Variants in LRBA observed in about 807,000 individuals in gnomAD.
The protein encoded by LRBA is lipopolysaccharide-responsive and beige-like anchor protein.
Under a neutral mutation model 330.0 loss-of-function variants are expected in LRBA, and 176 were observed. The ratio of observed to expected loss-of-function variants is 0.53; its 90% CI spans 0.47 to 0.60. The LOEUF is 0.60. LRBA is among the 20% of genes least tolerant of loss of function. The pLI is 0.00. For synonymous variants in LRBA, 1,230 were observed against 1,193.0 expected (o/e 1.03, Z -0.64); for missense variants, 3,259 against 3,444.8 (o/e 0.95, Z 1.35).
intron 40 of LRBA, among the ~76,000 whole-genome samples, chr4:150,508,750 A>G (rs1219081335): frequency 6.6e-6 from 1 of 152,230 alleles, no homozygotes; most frequent in Non-Finnish European, 1.5e-5. Context: ...CTGAAAGAAG[A>G]AACACATGAA....
chr4:150,706,530 A>G (rs1785636922), intron 36 of LRBA, among the ~76,000 whole-genome samples: 1 of 151,526 alleles, frequency 6.6e-6, no homozygotes, highest in Non-Finnish European at 1.5e-5. Context: ...TTTATAATCT[A>G]TGTGTTTCTA....
chr4:150,733,440 TGTC>T (rs141933794), intron 36 of LRBA, among the ~76,000 whole-genome samples: 3,916 of 152,120 alleles, frequency 0.026, 142 homozygotes, highest in African/African-American at 0.085. Flanking sequence ...AGAGAATAAA[TGTC>T]GTAAAAATTT....
chr4:150,913,231 G>A (rs1422907346), intron 9 of LRBA, among the ~76,000 whole-genome samples: 1 of 152,226 alleles, frequency 6.6e-6, no homozygotes, highest in Non-Finnish European at 1.5e-5. Flanking sequence ...ACTTTGGGAA[G>A]CCGAGGCGGG....
rs1020661381 is a variant in LRBA, at chr4:150,395,606, A to G, written c.7194+19832T>C. On this transcript the variant is annotated intron_variant, in intron 47 of 56. Transcript: ENST00000651943. ...AATTATATCATTCCCATGTCTTTTT[A>G]GCAGTTCCTGGCTGTCTGTAAGAGA... 4.6e-5 allele frequency among the ~76,000 whole-genome samples: 7 copies of G among 152,236 alleles called. No individual in the cohort carries two copies. The East Asian group carries it at 1.2e-3, about 25-fold the overall frequency.
At chr4:150,906,239 G>T in intron 12 of LRBA, 58 bp downstream of exon 12, 1 of 1,113,312 alleles carries the variant, frequency 9.0e-7, no homozygotes, top group South Asian at 1.4e-5. Context: ...GCCACTTAGA[G>T]AACAAATGTA....
At position 150,315,643 on chromosome 4, in the gene LRBA, A is replaced by G; in HGVS notation, c.7631-20T>C. 6.5e-7 allele frequency: 1 copy of G among 1,531,998 alleles called. No homozygotes were observed. The highest frequency in any genetic ancestry group is 8.8e-7 in the Non-Finnish European group (1 of 1,134,520). The allele number at this position is 1,531,998 out of a possible 1,614,324, so 94.9% of individuals were successfully genotyped here. On this transcript the variant is annotated intron_variant, in intron 50 of 56. Transcript: ENST00000651943. ...GATGAGCTGGAATTCACAAAAGATA[A>G]AGAAAAAAGGCATTATTTTTTATAT... is the stretch of plus-strand genomic sequence containing the variant.
chr4:150,680,865 C>A (rs1782994951), intron 37 of LRBA, among the ~76,000 whole-genome samples: 1 of 152,112 alleles, frequency 6.6e-6, no homozygotes. Context: ...TTGCAGCCCA[C>A]TGATCGTGTG....
chr4:150,955,752 T>C (rs1014587256), intron 2 of LRBA, among the ~76,000 whole-genome samples: 2 of 148,064 alleles, frequency 1.4e-5, no homozygotes, highest in Admixed American at 1.3e-4. Context: ...ATTACCCAGG[T>C]GGGGTGGTGG....
intron 37 of LRBA, among the ~76,000 whole-genome samples, chr4:150,661,418 C>G (rs1371040065): frequency 6.9e-6 from 1 of 145,328 alleles, no homozygotes; most frequent in Non-Finnish European, 1.5e-5. Flanking sequence ...TGCTGTGAGC[C>G]GAGATCGTGC....
intron 40 of LRBA, among the ~76,000 whole-genome samples, chr4:150,494,041 G>A (rs1049274212): frequency 4.6e-5 from 7 of 151,866 alleles, no homozygotes; most frequent in South Asian, 2.1e-4. Flanking sequence ...CTATGATTGC[G>A]CCACTGCACT....
rs1477958592 is a variant in LRBA, at chr4:150,844,235, A to G, written c.4462-28T>C. On this transcript the variant is annotated intron_variant, in intron 27 of 56. Coordinates refer to ENST00000651943, the MANE Select transcript of LRBA (RefSeq NM_001364905.1). The stretch of plus-strand genomic sequence containing the variant: ...ATTTAAGATTAAAAAAAAATTGTAT[A>G]TATATATATTCATATATACATTACA... 20 of 1,108,846 alleles carry G rather than the reference A, an allele frequency of 1.8e-5. No individual in the cohort carries two copies. The Admixed American group carries it at 3.7e-4, about 21-fold the overall frequency. The allele number at this position is 1,108,846 out of a possible 1,614,324, so 68.7% of individuals were successfully genotyped here. A position where few individuals can be genotyped will look rare whatever the true frequency, so the allele number is the denominator to read the frequency against.
At chr4:150,749,602 A>G (rs74749412) in intron 35 of LRBA, among the ~76,000 whole-genome samples, 1 of 152,042 alleles carries the variant, frequency 6.6e-6, no homozygotes, top group Non-Finnish European at 1.5e-5. Context: ...CCCAAAAAAA[A>G]AATAATAATA....
chr4:150,917,503 G>A (rs1215634357), intron 5 of LRBA, among the ~76,000 whole-genome samples: 2 of 152,046 alleles, frequency 1.3e-5, no homozygotes, highest in African/African-American at 4.8e-5. Flanking sequence ...AAACTGAAGA[G>A]GATTAGTTCA....
At chr4:150,947,371 T>C (rs2149536674) in intron 2 of LRBA, among the ~76,000 whole-genome samples, 1 of 152,114 alleles carries the variant, frequency 6.6e-6, no homozygotes, top group Middle Eastern at 3.4e-3. Flanking sequence ...TGCAACACTG[T>C]TTTAATATTT....
intron 37 of LRBA, among the ~76,000 whole-genome samples, chr4:150,622,190 G>A (rs1776360651): frequency 6.6e-6 from 1 of 152,160 alleles, no homozygotes; most frequent in Non-Finnish European, 1.5e-5. Context: ...AATATTTAAA[G>A]ATATGGACAT....
chr4:150,655,006 G>T (rs1028092409), intron 37 of LRBA, among the ~76,000 whole-genome samples: 1 of 152,026 alleles, frequency 6.6e-6, no homozygotes, highest in African/African-American at 2.4e-5. Context: ...ATAAACATAC[G>T]TGTGCATGTG....
Position 150,433,245 on chromosome 4 carries a change from T to C in LRBA, c.7041+2344A>G, listed in dbSNP as rs548600404. The stretch of plus-strand genomic sequence containing the variant: ...GACCATGTGATTTCTTTTGATGTTA[T>C]AGTTGTTTAGATTTCTTTTTTATTT... On this transcript the variant is annotated intron_variant, in intron 46 of 56. Transcript: ENST00000651943. Among the ~76,000 whole-genome samples the C allele has an allele frequency of 3.3e-5, 5 of 152,300 alleles. No homozygotes were observed. The East Asian group carries it at 5.8e-4, about 18-fold the overall frequency.
At position 150,697,325 on chromosome 4, in the gene LRBA, G is replaced by GAAAGAAAAAAAAA. The variant is rs373474421; in HGVS notation, c.5755-13609_5755-13608insTTTTTTTTTCTTT. On this transcript the variant is annotated intron_variant, in intron 36 of 56. Transcript: ENST00000651943. ...GGTGACAGAGTGAGACTTTGTCTCAGAAAAAAAAAAAAAAAAAAAAAAAAA... is the reference window on the plus strand; with the variant it reads ...GGTGACAGAGTGAGACTTTGTCTCAGAAAGAAAAAAAAAAAAAAAAAAAAAAAAAAAAAAAAAA... 2.9e-4 allele frequency among the ~76,000 whole-genome samples: 8 copies of GAAAGAAAAAAAAA among 28,032 alleles called. 2 individuals are homozygous for GAAAGAAAAAAAAA. The highest frequency in any genetic ancestry group is 7.7e-4 in the Admixed American group (1 of 1,296). The allele number at this position is 28,032 out of a possible 152,430, so 18.4% of individuals were successfully genotyped here.
intron 37 of LRBA, among the ~76,000 whole-genome samples, chr4:150,640,895 C>G (rs1581897168): frequency 6.6e-6 from 1 of 152,206 alleles, no homozygotes; most frequent in South Asian, 2.1e-4. Context: ...TTTAGGATCG[C>G]TTATGACCTG....
Sources: gnomAD v4.1 joint callset for allele counts (sites outside exome capture counted in the v4.1 genomes callset) on GRCh38, gnomAD v4.1.1 for gene constraint, MANE v1.5 for transcripts, NCBI Gene and HGNC (gene_info 2026-07-23, HGNC 2026-07-21) for gene names.